The following PCDHGB2 variants were observed in gnomAD, a reference collection of about 807,000 sequenced individuals.
PCDHGB2 encodes protocadherin gamma subfamily B, 2.
In PCDHGB2, 55 loss-of-function variants were observed where a neutral mutation model predicts 59.3. The observed-to-expected ratio is 0.93, with a 90% CI of 0.75 to 1.16. The LOEUF (loss-of-function observed/expected upper bound fraction) is 1.16. PCDHGB2 is among the 50% of genes most tolerant of loss of function. The pLI, the probability that PCDHGB2 is intolerant of heterozygous loss-of-function variation, is 0.00. For synonymous variants in PCDHGB2, 516 were observed against 512.0 expected, an observed-to-expected ratio of 1.01 and a Z score of -0.11; for missense variants, 1,228 against 1,198.5, an observed-to-expected ratio of 1.02 and a Z score of -0.36.
intron 1 of PCDHGB2, chr5:141,417,066 T>C (rs1373522268): frequency 6.6e-6 from 1 of 152,110 alleles, no homozygotes; most frequent in Non-Finnish European, 1.5e-5. Context: ...ACATTGTAGC[T>C]ATTGTGAGAA....
rs1203945578 is a variant in PCDHGB2 at position 141,512,055 on chromosome 5, T to G, written c.*882T>G. 6.5e-6 allele frequency: 1 copy of G among 152,698 alleles called. No homozygotes were observed. The highest frequency in any genetic ancestry group is 1.5e-5 in the Non-Finnish European group (1 of 68,092). 9.5% of individuals were successfully genotyped at this position (152,698 alleles called of 1,614,324 possible). The stretch of plus-strand genomic sequence containing the variant: ...GAGGCTCTGTATGTCCTCAGGGGAC[T>G]GACAACATCCTCCAGATTCCAGCCA... On this transcript the variant is annotated 3_prime_UTR_variant, in exon 4 of 4. Transcript: ENST00000522605.
intron 1 of PCDHGB2, chr5:141,392,880 C>G (rs779595460): frequency 3.1e-6 from 5 of 1,613,564 alleles, no homozygotes; most frequent in Non-Finnish European, 2.5e-6. Flanking sequence ...GCTGGGAACG[C>G]TGTGGGAAAT....
In PCDHGB2 at chr5:141,400,400, C is replaced by T. The variant is rs375490385; in HGVS notation, c.2421+37844C>T. On this transcript the variant is annotated intron_variant, in intron 1 of 3. Coordinates refer to ENST00000522605, the MANE Select transcript of PCDHGB2 (RefSeq NM_018923.3). ...CTATGTGTTGCACATACAGGAAAGA[C>T]GGAGTTTAATTTCCTAAAATGTAGT... 65 of 1,614,000 alleles carry T rather than the reference C, an allele frequency of 4.0e-5. No individual in the cohort carries two copies. Among genetic ancestry groups the T allele is most frequent in the South Asian group, 3.8e-4 (35 of 91,078 alleles).
intron 1 of PCDHGB2, among the ~76,000 whole-genome samples, chr5:141,380,345 TG>T (rs1448564641): frequency 6.6e-6 from 1 of 152,202 alleles, no homozygotes; most frequent in African/African-American, 2.4e-5. Context: ...AGAACTGTTT[TG>T]TTGTTTGTTT....
intron 1 of PCDHGB2, chr5:141,389,934 G>A (rs746045897): frequency 6.2e-7 from 1 of 1,614,064 alleles, no homozygotes; most frequent in East Asian, 2.2e-5. Flanking sequence ...TGACCTCCAG[G>A]CTGAGCTGCA....
rs376001893 is a variant in PCDHGB2 at position 141,388,827 on chromosome 5, A to G, written c.2421+26271A>G. ...TTTTGAAGAAGTCAAAGAATATTCC[A>G]TAGTTTTGGAAGCAAGGGACGGTGG... On this transcript the variant is annotated intron_variant, in intron 1 of 3. Coordinates refer to ENST00000522605, the MANE Select transcript of PCDHGB2 (RefSeq NM_018923.3). The G allele has an allele frequency of 9.9e-6, 16 of 1,614,024 alleles. No homozygotes were observed. The African/African-American group carries it at 1.7e-4, about 17-fold the overall frequency.
chr5:141,430,952 C>T, intron 1 of PCDHGB2: 2 of 1,610,382 alleles, frequency 1.2e-6, no homozygotes, highest in Non-Finnish European at 1.7e-6. Flanking sequence ...GCGCGGAGTC[C>T]GCATCATCCC....
At chr5:141,465,856 C>T (rs1442431032) in intron 1 of PCDHGB2, among the ~76,000 whole-genome samples, 1 of 152,184 alleles carries the variant, frequency 6.6e-6, no homozygotes, top group East Asian at 1.9e-4. Context: ...GGCCCAGTGG[C>T]TCATGCCTGT....
At chr5:141,389,939 G>A in intron 1 of PCDHGB2, 1 of 1,614,082 alleles carries the variant, frequency 6.2e-7, no homozygotes, top group Non-Finnish European at 8.5e-7. Context: ...TCCAGGCTGA[G>A]CTGCAGTTTT....
rs200464357 is a variant in PCDHGB2 at position 141,489,983 on chromosome 5, G to A, written c.2422-4824G>A. 4.5e-5 allele frequency: 73 copies of A among 1,614,172 alleles called. No homozygotes were observed. Among genetic ancestry groups the A allele is most frequent in the Middle Eastern group, 3.3e-4 (2 of 6,062 alleles). ...CCAACCTTCCAATCCTCAGTTCTAC[G>A]TGTGGGAATCCCAGAGAATGCACCC... On this transcript the variant is annotated intron_variant, in intron 1 of 3. Coordinates refer to ENST00000522605, the MANE Select transcript of PCDHGB2 (RefSeq NM_018923.3). This position sits in a 1 kb window ranked among gnomAD's most constrained non-coding sequence, Gnocchi z 4.5.
chr5:141,375,809 G>A (rs912938777), intron 1 of PCDHGB2: 92 of 1,614,084 alleles, frequency 5.7e-5, no homozygotes, highest in Non-Finnish European at 7.3e-5. Flanking sequence ...CACTGGCGTG[G>A]AGCTGGCGCC....
rs371490086 is a variant in PCDHGB2, at chr5:141,405,329, G to T, written c.2421+42773G>T. 3 of 1,614,168 alleles carry T rather than the reference G, an allele frequency of 1.9e-6. No individual in the cohort carries two copies. Among genetic ancestry groups the T allele is most frequent in the Non-Finnish European group, 2.5e-6 (3 of 1,180,010 alleles). On this transcript the variant is annotated intron_variant, in intron 1 of 3. Coordinates refer to ENST00000522605, the MANE Select transcript of PCDHGB2 (RefSeq NM_018923.3). The stretch of plus-strand genomic sequence containing the variant: ...CTGTGAGAAAAATGAGCCTTTGTGC[G>T]TCTCTGTTGATTCCAAGTTTCCTAT...
At chr5:141,383,802 A>G in intron 1 of PCDHGB2, 1 of 1,613,998 alleles carries the variant, frequency 6.2e-7, no homozygotes, top group Non-Finnish European at 8.5e-7. Context: ...CAGGAGAAAT[A>G]TCAACTTTAG....
At chr5:141,460,411 T>TG (rs2098988114) in intron 1 of PCDHGB2, among the ~76,000 whole-genome samples, 1 of 152,212 alleles carries the variant, frequency 6.6e-6, no homozygotes, top group Non-Finnish European at 1.5e-5. Context: ...TTTGAGTTGA[T>TG]GTTTATGTAT....
chr5:141,424,799 A>G (rs552155487), intron 1 of PCDHGB2: 90 of 152,274 alleles, frequency 5.9e-4, no homozygotes, highest in African/African-American at 2.1e-3. Context: ...ATTCAGACCA[A>G]CTTGTTATTG....
chr5:141,445,188 G>A (rs1267342449), intron 1 of PCDHGB2, among the ~76,000 whole-genome samples: 5 of 152,198 alleles, frequency 3.3e-5, no homozygotes, highest in South Asian at 2.1e-4. Flanking sequence ...ATGTTTTTAT[G>A]TATTCTATAT....
intron 1 of PCDHGB2, chr5:141,403,329 T>C (rs1325114096): frequency 1.2e-6 from 2 of 1,613,990 alleles, no homozygotes; most frequent in Admixed American, 1.7e-5. Context: ...GTAACTGATA[T>C]TAACGACAGC....
At position 141,376,627 on chromosome 5, in the gene PCDHGB2, A is replaced by G. The variant is rs183524096; in HGVS notation, c.2421+14071A>G. On this transcript the variant is annotated intron_variant, in intron 1 of 3. Transcript: ENST00000522605. ...AGCGAACCTCTTTTGGTACAGGAAG[A>G]TTCGTGATTTTGTAAAGTGGAAGAC... 863 of 1,127,968 alleles carry G rather than the reference A, an allele frequency of 7.7e-4. 3 individuals carry two copies. Among genetic ancestry groups the G allele is most frequent in the Middle Eastern group, 3.8e-3 (17 of 4,452 alleles). The allele number at this position is 1,127,968 out of a possible 1,614,324, so 69.9% of individuals were successfully genotyped here. A position where few individuals can be genotyped will look rare whatever the true frequency, so the allele number is the denominator to read the frequency against.
Position 141,486,601 on chromosome 5 carries a change from C to A in PCDHGB2, c.2422-8206C>A, listed in dbSNP as rs770685748. On this transcript the variant is annotated intron_variant, in intron 1 of 3. Transcript: ENST00000522605. The surrounding 1 kb of genome is among the most constrained non-coding windows in gnomAD (Gnocchi z 5.0). ...ATCGCCCAGGGGACCTGCTTTGCTCCCTTGCAGCCTCTGACCCAGACTCTG... is the reference window on the plus strand; with the variant it reads ...ATCGCCCAGGGGACCTGCTTTGCTCACTTGCAGCCTCTGACCCAGACTCTG... The A allele has an allele frequency of 1.9e-6, 3 of 1,613,558 alleles. No homozygotes were observed. The highest frequency in any genetic ancestry group is 3.3e-5 in the Admixed American group (2 of 60,026).
Sources: gnomAD v4.1 joint callset for allele counts (sites outside exome capture counted in the v4.1 genomes callset) on GRCh38, gnomAD v4.1.1 for gene constraint, Gnocchi (gnomAD v3.1) non-coding constraint, MANE v1.5 for transcripts, NCBI Gene and HGNC (gene_info 2026-07-23, HGNC 2026-07-21) for gene names.